Variants in SMAD2 observed in about 807,000 individuals in gnomAD.
The protein encoded by SMAD2 is SMAD family member 2.
In SMAD2, 8 loss-of-function variants were observed where a neutral mutation model predicts 64.4. The observed-to-expected ratio is 0.12, with a 90% CI of 0.07 to 0.22. The LOEUF (loss-of-function observed/expected upper bound fraction) is 0.22, where lower values mean the gene tolerates loss of function less well. Ranked by LOEUF, SMAD2 falls within the 10% of genes least tolerant of loss-of-function variation. The pLI is 1.00. For synonymous variants in SMAD2, 203 were observed against 195.8 expected, an observed-to-expected ratio of 1.04 and a Z score of -0.31; for missense variants, 289 against 561.2, an observed-to-expected ratio of 0.51 and a Z score of 4.90.
intron 2 of SMAD2, among the ~76,000 whole-genome samples, chr18:47,879,413 A>G (rs1208746918): frequency 6.6e-6 from 1 of 151,850 alleles, no homozygotes; most frequent in African/African-American, 2.4e-5. Flanking sequence ...AAGTCTATGT[A>G]TGAATGGAAT....
At chr18:47,852,501 A>G (rs1235011157) in intron 6 of SMAD2, among the ~76,000 whole-genome samples, 2 of 152,194 alleles carry the variant, frequency 1.3e-5, no homozygotes, top group East Asian at 3.8e-4. Flanking sequence ...GATTTACATG[A>G]GTGCTATGTT....
chr18:47,910,593 C>G (rs1438250304), intron 1 of SMAD2, among the ~76,000 whole-genome samples: 1 of 152,156 alleles, frequency 6.6e-6, no homozygotes, highest in African/African-American at 2.4e-5. Context: ...CCCAGTCTGC[C>G]TCTTCTACCT....
At chr18:47,851,214 T>C in intron 7 of SMAD2, 60 bp downstream of exon 7, 1 of 1,190,950 alleles carries the variant, frequency 8.4e-7, no homozygotes, top group Non-Finnish European at 1.3e-6. Flanking sequence ...AGAGATGATT[T>C]TTATTATTAA....
In SMAD2 at chr18:47,838,602, G is replaced by C. The variant is rs183195582; in HGVS notation, c.*3225C>G. On this transcript the variant is annotated 3_prime_UTR_variant, in exon 11 of 11. Coordinates refer to ENST00000262160, the MANE Select transcript of SMAD2 (RefSeq NM_005901.6). ...GTAGGATAAAAAGAGCACAATCAGC[G>C]GTATTCCAGAAGGTAGGCCTAAATC... 7 of 232,948 alleles carry C rather than the reference G, an allele frequency of 3.0e-5. No homozygotes were observed. The South Asian group carries it at 1.3e-3, about 42-fold the overall frequency. The allele number at this position is 232,948 out of a possible 1,614,324, so 14.4% of individuals were successfully genotyped here.
At chr18:47,865,851 T>C (rs2031514479) in intron 5 of SMAD2, among the ~76,000 whole-genome samples, 1 of 152,216 alleles carries the variant, frequency 6.6e-6, no homozygotes, top group Non-Finnish European at 1.5e-5. Context: ...GAAAGGTATC[T>C]GAATAGCTGA....
intron 5 of SMAD2, among the ~76,000 whole-genome samples, chr18:47,865,424 T>TA (rs1435957072): frequency 6.6e-6 from 1 of 152,216 alleles, no homozygotes; most frequent in Non-Finnish European, 1.5e-5. Flanking sequence ...GCCAAAAACG[T>TA]AACTTTAAAA....
chr18:47,907,054 A>G (rs79926216), intron 1 of SMAD2, among the ~76,000 whole-genome samples: 1 of 152,204 alleles, frequency 6.6e-6, no homozygotes, highest in Non-Finnish European at 1.5e-5. Context: ...ACCATGATTC[A>G]GTCTACCACA....
Position 47,820,897 on chromosome 18 carries a change from ACAC to A in SMAD2, c.*20927_*20929del, listed in dbSNP as rs1912549735. 3.4e-3 allele frequency: 1 copy of A among 290 alleles called. No homozygotes were observed. Among genetic ancestry groups the A allele is most frequent in the Admixed American group, 0.062 (1 of 16 alleles). 0.0% of individuals were successfully genotyped at this position (290 alleles called of 1,614,324 possible). A position where few individuals can be genotyped will look rare whatever the true frequency, so the allele number is the denominator to read the frequency against. The stretch of plus-strand genomic sequence containing the variant: ...AGTGTAAATGCTATACATGCACTAT[ACAC>A]ACACACACACACACACACACACACA... On this transcript the variant is annotated 3_prime_UTR_variant, in exon 11 of 11. Transcript: ENST00000262160.
chr18:47,920,333 T>C (rs2034512292), intron 1 of SMAD2, among the ~76,000 whole-genome samples: 1 of 152,260 alleles, frequency 6.6e-6, no homozygotes, highest in Non-Finnish European at 1.5e-5. Flanking sequence ...ATAATTTTAT[T>C]AATCTAACCC....
intron 1 of SMAD2, among the ~76,000 whole-genome samples, chr18:47,897,884 T>C (rs911123790): frequency 6.6e-6 from 1 of 152,172 alleles, no homozygotes; most frequent in African/African-American, 2.4e-5. Context: ...AAAAGGAAAA[T>C]GAATGTGTTC....
chr18:47,926,602 G>A (rs893872022), intron 1 of SMAD2, among the ~76,000 whole-genome samples: 6 of 152,030 alleles, frequency 3.9e-5, no homozygotes, highest in Admixed American at 3.3e-4. Flanking sequence ...AACTTTGCTT[G>A]TTAGAAACAC....
intron 1 of SMAD2, among the ~76,000 whole-genome samples, chr18:47,919,805 C>G (rs1315750795): frequency 3.9e-5 from 6 of 152,152 alleles, no homozygotes; most frequent in Non-Finnish European, 8.8e-5. Context: ...TTACCAATAT[C>G]TCAGCAGATT....
intron 1 of SMAD2, among the ~76,000 whole-genome samples, chr18:47,897,478 TTTCTC>T (rs1337577438): frequency 2.2e-4 from 33 of 152,306 alleles, no homozygotes; most frequent in African/African-American, 7.9e-4. Flanking sequence ...TACCTTGTCT[TTTCTC>T]TTCCATAGGA....
intron 2 of SMAD2, among the ~76,000 whole-genome samples, chr18:47,892,551 TTTTA>T (rs1207128093): frequency 2.0e-5 from 3 of 152,266 alleles, no homozygotes; most frequent in Non-Finnish European, 4.4e-5. Context: ...GTTTCTGATA[TTTTA>T]TTTATGACTT....
chr18:47,873,883 G>A (rs1383621707), intron 2 of SMAD2, among the ~76,000 whole-genome samples: 1 of 152,092 alleles, frequency 6.6e-6, no homozygotes, highest in African/African-American at 2.4e-5. Flanking sequence ...TTAGAAAACT[G>A]CAGTTTTACT....
chr18:47,824,634 C>T lies in SMAD2; in HGVS notation c.*17193G>A, dbSNP rs926636874. ...ACCTGAAAACTAAATTCTAGCTGATCAATAAAATTCTTTGGTTCTACTGTA... is the reference window on the plus strand; with the variant it reads ...ACCTGAAAACTAAATTCTAGCTGATTAATAAAATTCTTTGGTTCTACTGTA... On this transcript the variant is annotated 3_prime_UTR_variant, in exon 11 of 11. Transcript: ENST00000262160. 2.0e-5 allele frequency: 3 copies of T among 152,098 alleles called. No individual in the cohort carries two copies. The highest frequency in any genetic ancestry group is 4.4e-5 in the Non-Finnish European group (3 of 68,006). 9.4% of individuals were successfully genotyped at this position (152,098 alleles called of 1,614,324 possible).
At position 47,812,320 on chromosome 18, in the gene SMAD2, A is replaced by G. The variant is rs995792938; in HGVS notation, c.*29507T>C. The stretch of plus-strand genomic sequence containing the variant: ...TCTTGCTCCCCCTTCACCTTCTGCC[A>G]TAATTGTGAGGCCTCCCCAGCCATG... On this transcript the variant is annotated 3_prime_UTR_variant, in exon 11 of 11. Coordinates refer to ENST00000262160, the MANE Select transcript of SMAD2 (RefSeq NM_005901.6). The G allele has an allele frequency of 2.0e-5, 3 of 152,198 alleles. No homozygotes were observed. Among genetic ancestry groups the G allele is most frequent in the African/African-American group, 7.2e-5 (3 of 41,436 alleles). The allele number at this position is 152,198 out of a possible 1,614,324, so 9.4% of individuals were successfully genotyped here.
intron 1 of SMAD2, among the ~76,000 whole-genome samples, chr18:47,897,446 C>G (rs535995227): frequency 1.3e-5 from 2 of 152,174 alleles, no homozygotes; most frequent in Non-Finnish European, 2.9e-5. Context: ...CAGATAGTTT[C>G]TCTTCCCAAT....
At chr18:47,916,078 T>C (rs184216953) in intron 1 of SMAD2, among the ~76,000 whole-genome samples, 1 of 152,356 alleles carries the variant, frequency 6.6e-6, no homozygotes. Context: ...TTTACGAGTT[T>C]TCTAATGCTT....
Sources: allele counts gnomAD v4.1 joint callset (sites outside exome capture counted in the v4.1 genomes callset), GRCh38; gene constraint gnomAD v4.1.1; transcripts MANE v1.5; gene names NCBI Gene and HGNC (gene_info 2026-07-23, HGNC 2026-07-21).